GMNC: variants seen among roughly 807,000 people sequenced by gnomAD.
GMNC encodes geminin coiled-coil domain-containing protein 1.
GMNC carries 16 observed loss-of-function variants against 33.6 expected under a neutral mutation model. The ratio of observed to expected loss-of-function variants is 0.48; its 90% confidence interval spans 0.32 to 0.72. The LOEUF is 0.72. Ranked by LOEUF, GMNC falls within the 30% of genes least tolerant of loss-of-function variation. The probability of loss-of-function intolerance (pLI) is 0.03; values close to 1 mark genes in which losing one functional copy is unlikely to be tolerated. For missense variants in GMNC, 393 were observed against 388.9 expected (o/e 1.01, Z -0.09); for synonymous variants, 156 against 147.3 (o/e 1.06, Z -0.43).
rs1737872708 is a variant in GMNC, at chr3:190,861,576, A to G, written c.4-718T>C. On this transcript the variant is annotated intron_variant, in intron 1 of 4. Coordinates refer to ENST00000442080, the MANE Select transcript of GMNC (RefSeq NM_001146686.3). The surrounding 1 kb of genome is among the most constrained non-coding windows in gnomAD (Gnocchi z 5.1). ...AAGCACAGGACCACAAAGCTGCTCC[A>G]AGTAAACGTATAATCAAAGCTGAAA... 6.6e-6 allele frequency among the ~76,000 whole-genome samples: 1 copy of G among 152,168 alleles called. No homozygotes were observed. Among genetic ancestry groups the G allele is most frequent in the South Asian group, 2.1e-4 (1 of 4,828 alleles).
chr3:190,855,440 G>A lies in GMNC; in HGVS notation c.860C>T (p.Ser287Leu), dbSNP rs372084995. ...KTLPYYTAHV[S>L]PNKTEMAFST... Reference sequence around the variant, plus strand: ...AAATGCCATCTCTGTCTTGTTGGGTGACACATGAGCAGTATAGTAAGGAAG... The same window carrying A: ...AAATGCCATCTCTGTCTTGTTGGGTAACACATGAGCAGTATAGTAAGGAAG... The change falls in exon 5 of 5, where the codon TCA becomes TTA. Residue 287 changes from serine to leucine, a missense_variant. Physicochemically the swap from Ser to Leu is moderately radical, Grantham distance 145 (BLOSUM62 -2). Coordinates refer to ENST00000442080, the MANE Select transcript of GMNC (RefSeq NM_001146686.3). 1 of 1,551,916 alleles carries A rather than the reference G, an allele frequency of 6.4e-7. No individual in the cohort carries two copies. The highest frequency in any genetic ancestry group is 8.7e-7 in the Non-Finnish European group (1 of 1,147,010).
chr3:190,848,384 A>T (rs556742887), downstream of GMNC, among the ~76,000 whole-genome samples: 1 of 152,252 alleles, frequency 6.6e-6, no homozygotes, highest in Admixed American at 6.5e-5. Flanking sequence ...CTCTATGTCT[A>T]CTTGTTGTGA....
chr3:190,846,328 C>A, the GMNC span, among the ~76,000 whole-genome samples: 4 of 152,106 alleles, frequency 2.6e-5, 1 homozygote, highest in East Asian at 1.9e-4. Context: ...TCACAAATAG[C>A]CATACCATGC....
chr3:190,857,996 T>C, intron 3 of GMNC, 97 bp from the exon 4 acceptor site: 1 of 722,616 alleles, frequency 1.4e-6, no homozygotes, highest in East Asian at 2.7e-5. Flanking sequence ...AACTTGATGA[T>C]TGTTTGTTGT....
intron 3 of GMNC, 64 bp from the exon 4 acceptor site, chr3:190,857,963 G>A: frequency 1.2e-6 from 1 of 844,150 alleles, no homozygotes; most frequent in Non-Finnish European, 2.0e-6. Context: ...TTATAATAAT[G>A]CCACTGCTCC....
chr3:190,860,233 T>C (rs1457682688), intron 2 of GMNC, among the ~76,000 whole-genome samples: 1 of 152,242 alleles, frequency 6.6e-6, no homozygotes, highest in Admixed American at 6.5e-5. Context: ...GGAATCCTTT[T>C]TCAACTTCTA....
In GMNC at chr3:190,855,376, A is replaced by C. The variant is rs1737709890; in HGVS notation, c.924T>G (p.His308Gln). The C allele has an allele frequency of 6.4e-7, 1 of 1,551,816 alleles. No homozygotes were observed. The highest frequency in any genetic ancestry group is 1.4e-5 in the African/African-American group (1 of 72,994). Residue 308 changes from histidine (H) to glutamine (Q), a missense_variant, in exon 5 of 5, where the codon CAT (histidine) becomes CAG (glutamine). Physicochemically the swap from His to Gln is conservative, Grantham distance 24. Transcript: ENST00000442080. The stretch of plus-strand genomic sequence containing the variant: ...CAAAGGCTTGTCCCTGGTGGAAGGA[A>C]TGAGTTTTCACATTACAATGAGGGC... ...SLSPHCNVKTHSFHQGQAFVR... is the reference protein window; with the variant it reads ...SLSPHCNVKTQSFHQGQAFVR...
intron 4 of GMNC, among the ~76,000 whole-genome samples, chr3:190,856,312 T>A (rs1737738266): frequency 8.3e-6 from 1 of 119,868 alleles, no homozygotes; most frequent in African/African-American, 4.1e-5. Flanking sequence ...TACTTATATT[T>A]ATTTATAAAT....
the GMNC span, among the ~76,000 whole-genome samples, chr3:190,845,630 C>T: frequency 6.6e-6 from 1 of 151,444 alleles, no homozygotes. Flanking sequence ...ATGCCTCAGC[C>T]TCCCGAGTAG....
Position 190,855,748 on chromosome 3 carries a change from A to G in GMNC, c.552T>C (p.Pro184=). ...FANCEEQAGP[P]VDPWVLQTLG... ...GTGTTTGAAGGACCCAGGGATCCAC[A>G]GGGGGCCCAGCTTGTTCTTCACAGT... is the stretch of plus-strand genomic sequence containing the variant. Residue 184 remains proline, a synonymous_variant, in exon 5 of 5, where the codon CCT becomes CCC. Transcript: ENST00000442080. 6 of 1,551,492 alleles carry G rather than the reference A, an allele frequency of 3.9e-6. No individual in the cohort carries two copies. The highest frequency in any genetic ancestry group is 5.2e-6 in the Non-Finnish European group (6 of 1,146,866).
At chr3:190,859,393 CT>C (rs1737815031) in intron 2 of GMNC, among the ~76,000 whole-genome samples, 1 of 152,056 alleles carries the variant, frequency 6.6e-6, no homozygotes, top group Non-Finnish European at 1.5e-5. Flanking sequence ...TTATGTTTTT[CT>C]AGTTTTTATC....
downstream of GMNC, among the ~76,000 whole-genome samples, chr3:190,849,314 C>T (rs1364886447): frequency 6.6e-6 from 1 of 152,144 alleles, no homozygotes; most frequent in Admixed American, 6.5e-5. Context: ...GGGTGGGCCA[C>T]CTGGCACTGT....
intron 4 of GMNC, among the ~76,000 whole-genome samples, chr3:190,856,777 A>G (rs1281323158): frequency 6.6e-6 from 1 of 151,730 alleles, no homozygotes; most frequent in African/African-American, 2.4e-5. Flanking sequence ...TCTGAGATAT[A>G]TTATTATATT....
Position 190,862,506 on chromosome 3 carries a change from C to T in GMNC, c.3+107G>A. 3 of 828,798 alleles carry T rather than the reference C, an allele frequency of 3.6e-6. No homozygotes were observed. Among genetic ancestry groups the T allele is most frequent in the Non-Finnish European group, 6.2e-6 (3 of 486,624 alleles). 51.3% of individuals were successfully genotyped at this position (828,798 alleles called of 1,614,324 possible). A position where few individuals can be genotyped will look rare whatever the true frequency, so the allele number is the denominator to read the frequency against. On this transcript the variant is annotated intron_variant, in intron 1 of 4. Transcript: ENST00000442080. The surrounding 1 kb of genome is among the most constrained non-coding windows in gnomAD (Gnocchi z 4.5). ...AGGATCTGTTTTAACTGGCGGGTAG[C>T]GGAGAAATCTTGCTCCGAAGGTGGA... is the stretch of plus-strand genomic sequence containing the variant.
chr3:190,846,471 T>C, the GMNC span, among the ~76,000 whole-genome samples: 1 of 152,168 alleles, frequency 6.6e-6, no homozygotes, highest in African/African-American at 2.4e-5. Flanking sequence ...TGTGTGTATA[T>C]AAAATTTATT....
chr3:190,856,019 G>T, intron 4 of GMNC, 104 bp from the exon 5 acceptor site: 2 of 822,086 alleles, frequency 2.4e-6, no homozygotes, highest in Non-Finnish European at 1.9e-6. Flanking sequence ...AAGTAAGATG[G>T]ATTGGATTAG....
chr3:190,845,753 T>A, the GMNC span, among the ~76,000 whole-genome samples: 1 of 152,000 alleles, frequency 6.6e-6, no homozygotes, highest in Non-Finnish European at 1.5e-5. Context: ...GTGATCCGCC[T>A]GCCTTAGCCT....
rs770889285 is a variant in GMNC, at chr3:190,858,982, G to A, written c.213C>T (p.Asp71=). The change falls in exon 3 of 5, where the codon GAC becomes GAT. Residue 71 remains aspartate, a synonymous_variant. Transcript: ENST00000442080. ...GCTGAGCCTCTTCCCATGAGCACAA[G>A]TCCGGAAGAGGAAAATTTGAGTCAC... ...SFSDSNFPLP[D]LCSWEEAQLS... 22 of 1,549,992 alleles carry A rather than the reference G, an allele frequency of 1.4e-5. No individual in the cohort carries two copies. The highest frequency in any genetic ancestry group is 5.9e-5 in the Admixed American group (3 of 50,962).
intron 3 of GMNC, 68 bp downstream of exon 3, chr3:190,858,860 A>C: frequency 1.1e-6 from 1 of 881,172 alleles, no homozygotes; most frequent in South Asian, 1.7e-5. Context: ...GAAAAGAAGC[A>C]AGATATTAGC....
Sources: allele counts gnomAD v4.1 joint callset (sites outside exome capture counted in the v4.1 genomes callset), GRCh38; gene constraint gnomAD v4.1.1; non-coding constraint Gnocchi (gnomAD v3.1); transcripts MANE v1.5; gene names NCBI Gene and HGNC (gene_info 2026-07-23, HGNC 2026-07-21).